The following HNRNPC variants were observed in gnomAD, a reference collection of about 807,000 sequenced individuals.
The protein encoded by HNRNPC is heterogeneous nuclear ribonucleoproteins C1/C2.
Under a neutral mutation model 33.2 loss-of-function variants are expected in HNRNPC, and 3 were observed. The observed-to-expected ratio is 0.09, with a 90% CI of 0.04 to 0.23. The LOEUF is 0.23. HNRNPC is among the 10% of genes least tolerant of loss of function. The pLI is 1.00. For synonymous variants in HNRNPC, 121 were observed against 126.7 expected (o/e 0.96, Z 0.30); for missense variants, 143 against 366.7 (o/e 0.39, Z 4.98).
At chr14:21,215,918 G>A (rs56305017) in intron 5 of HNRNPC, among the ~76,000 whole-genome samples, 10,119 of 134,772 alleles carry the variant, frequency 0.075, 429 homozygotes, top group African/African-American at 0.089. Flanking sequence ...AAAAAGAAAG[G>A]AAGAAAGAAA....
chr14:21,233,865 G>A (rs1894384265), intron 3 of HNRNPC, 88 bp downstream of exon 3: 1 of 1,477,850 alleles, frequency 6.8e-7, no homozygotes, highest in Non-Finnish European at 9.2e-7. Context: ...ATCTCATGCT[G>A]TCAGTTTTAC....
At position 21,234,260 on chromosome 14, in the gene HNRNPC, C is replaced by T; in HGVS notation, c.-36-31G>A. The stretch of plus-strand genomic sequence containing the variant: ...AAGCAAAAAAAAGTATACAGGTGAA[C>T]AGATGCTAAAAACAATATTCCTTGA... On this transcript the variant is annotated intron_variant, in intron 2 of 8. Transcript: ENST00000553300. The T allele has an allele frequency of 2.0e-6, 3 of 1,527,034 alleles. No individual in the cohort carries two copies. The South Asian group carries it at 3.6e-5, about 18-fold the overall frequency. The allele number at this position is 1,527,034 out of a possible 1,614,324, so 94.6% of individuals were successfully genotyped here. A position where few individuals can be genotyped will look rare whatever the true frequency, so the allele number is the denominator to read the frequency against.
At chr14:21,253,813 C>G (rs1277482873) in intron 2 of HNRNPC, among the ~76,000 whole-genome samples, 1 of 152,040 alleles carries the variant, frequency 6.6e-6, no homozygotes, top group Admixed American at 6.6e-5. Context: ...GGCCTGTAAT[C>G]CCAGCACTTT....
chr14:21,267,541 A>G (rs546884656), intron 1 of HNRNPC, among the ~76,000 whole-genome samples: 28 of 147,204 alleles, frequency 1.9e-4, no homozygotes, highest in Admixed American at 1.8e-3. Flanking sequence ...TGGCACTAGC[A>G]TGAGGGGGAA....
chr14:21,211,601 G>C (rs772688875), intron 7 of HNRNPC, 35 bp from the exon 8 acceptor site: 1 of 1,583,952 alleles, frequency 6.3e-7, no homozygotes, highest in South Asian at 1.1e-5. Context: ...TCTAGGGGCA[G>C]TAATGTCCAC....
intron 3 of HNRNPC, among the ~76,000 whole-genome samples, chr14:21,233,297 T>C (rs1894318771): frequency 6.6e-6 from 1 of 152,172 alleles, no homozygotes; most frequent in African/African-American, 2.4e-5. Context: ...TACCATGCTT[T>C]GAGTCAATAT....
At chr14:21,220,243 T>G (rs1431857996) in intron 5 of HNRNPC, among the ~76,000 whole-genome samples, 1 of 151,888 alleles carries the variant, frequency 6.6e-6, no homozygotes, top group African/African-American at 2.4e-5. Flanking sequence ...TTCTGGTTTT[T>G]TTTTTTTTTT....
intron 6 of HNRNPC, 46 bp from the exon 7 acceptor site, chr14:21,211,969 A>G (rs775779243): frequency 4.8e-6 from 7 of 1,463,232 alleles, no homozygotes; most frequent in African/African-American, 1.4e-5. Flanking sequence ...TGTACCGAAG[A>G]TATGAGTTAG....
In HNRNPC at chr14:21,214,814, G is replaced by GT. The variant is rs1477335800; in HGVS notation, c.366-1698dup. 7.9e-5 allele frequency among the ~76,000 whole-genome samples: 12 copies of GT among 152,166 alleles called. No homozygotes were observed. The South Asian group carries it at 1.2e-3, about 16-fold the overall frequency. On this transcript the variant is annotated intron_variant, in intron 5 of 8. Transcript: ENST00000553300. ...AAACTCATATCCTTTGTGAGAGATG[G>GT]TAACACTTGCACAAACACAAATTGC...
intron 2 of HNRNPC, among the ~76,000 whole-genome samples, chr14:21,242,189 A>C (rs189230596): frequency 6.6e-6 from 1 of 152,100 alleles, no homozygotes. Flanking sequence ...ATATATAATA[A>C]TAATAAGGTG....
intron 1 of HNRNPC, among the ~76,000 whole-genome samples, chr14:21,266,646 C>T (rs768305775): frequency 2.0e-5 from 3 of 148,932 alleles, no homozygotes; most frequent in Non-Finnish European, 4.4e-5. Context: ...TCTAGTAAAT[C>T]TAGTATGCAC....
chr14:21,212,767 C>A (rs1310585589), intron 6 of HNRNPC, among the ~76,000 whole-genome samples, 193 bp downstream of exon 6: 1 of 152,136 alleles, frequency 6.6e-6, no homozygotes, highest in Non-Finnish European at 1.5e-5. Context: ...TGGTCTTGAA[C>A]TCCTGACCTC....
chr14:21,233,054 T>C (rs1165628366), intron 3 of HNRNPC, among the ~76,000 whole-genome samples: 1 of 149,848 alleles, frequency 6.7e-6, no homozygotes, highest in African/African-American at 2.4e-5. Flanking sequence ...AAAAAAGGAC[T>C]GAATATATTG....
intron 5 of HNRNPC, among the ~76,000 whole-genome samples, chr14:21,222,142 C>G (rs1030618435): frequency 6.6e-6 from 1 of 151,364 alleles, no homozygotes; most frequent in Non-Finnish European, 1.5e-5. Context: ...TACCACCACA[C>G]TCTCACTAGA....
At chr14:21,245,006 A>G (rs1895801661) in intron 2 of HNRNPC, among the ~76,000 whole-genome samples, 1 of 149,448 alleles carries the variant, frequency 6.7e-6, no homozygotes, top group African/African-American at 2.5e-5. Context: ...AATCGCTTCA[A>G]TCCCGGAGGC....
At chr14:21,244,021 T>G (rs1895659955) in intron 2 of HNRNPC, among the ~76,000 whole-genome samples, 1 of 150,332 alleles carries the variant, frequency 6.7e-6, no homozygotes, top group African/African-American at 2.4e-5. Flanking sequence ...TATCTGCATA[T>G]TTCCTCCAAG....
At chr14:21,242,356 C>T (rs1169345499) in intron 2 of HNRNPC, among the ~76,000 whole-genome samples, 3 of 152,028 alleles carry the variant, frequency 2.0e-5, no homozygotes, top group Non-Finnish European at 4.4e-5. Flanking sequence ...TGATGTCAAG[C>T]GCCTATAATT....
intron 2 of HNRNPC, among the ~76,000 whole-genome samples, chr14:21,248,685 G>A (rs1042178496): frequency 6.6e-6 from 1 of 152,132 alleles, no homozygotes; most frequent in Non-Finnish European, 1.5e-5. Flanking sequence ...ATTAAACCAA[G>A]TACCATGTTC....
At chr14:21,230,534 T>C in intron 4 of HNRNPC, 168 bp from the exon 5 acceptor site, 1 of 575,710 alleles carries the variant, frequency 1.7e-6, no homozygotes, top group Non-Finnish European at 3.1e-6. Flanking sequence ...CCAATCACCT[T>C]AGACCACTGG....
Sources: allele counts gnomAD v4.1 joint callset (sites outside exome capture counted in the v4.1 genomes callset), GRCh38; gene constraint gnomAD v4.1.1; transcripts MANE v1.5; gene names NCBI Gene and HGNC (gene_info 2026-07-23, HGNC 2026-07-21).